The following PARPBP variants were observed in gnomAD, a reference collection of about 807,000 sequenced individuals.
The protein encoded by PARPBP is PCNA-interacting partner.
In PARPBP, 52 loss-of-function variants were observed where a neutral mutation model predicts 50.0. The observed-to-expected ratio is 1.04, with a 90% CI of 0.83 to 1.31. The LOEUF (loss-of-function observed/expected upper bound fraction) is 1.31. Among genes scored for constraint, PARPBP ranks in the 50% most tolerant of loss-of-function variants. The probability of loss-of-function intolerance (pLI) is 0.00; values close to 1 mark genes in which losing one functional copy is unlikely to be tolerated. For missense variants in PARPBP, 697 were observed against 672.0 expected, an observed-to-expected ratio of 1.04 and a Z score of -0.41; for synonymous variants, 244 against 232.1, an observed-to-expected ratio of 1.05 and a Z score of -0.47.
intron 2 of PARPBP, among the ~76,000 whole-genome samples, chr12:102,129,977 A>G (rs1459412327): frequency 1.3e-5 from 2 of 152,214 alleles, no homozygotes; most frequent in African/African-American, 4.8e-5. Context: ...GTATCATGCT[A>G]CCTGACTTCA....
intron 4 of PARPBP, among the ~76,000 whole-genome samples, chr12:102,160,249 G>A (rs965292280): frequency 6.6e-6 from 1 of 152,190 alleles, no homozygotes; most frequent in Non-Finnish European, 1.5e-5. Context: ...ACTCCAAGAT[G>A]TTTTTCCCTG....
At position 102,150,219 on chromosome 12, in the gene PARPBP, G is replaced by A. The variant is rs369254658; in HGVS notation, c.387+1756G>A. On this transcript the variant is annotated intron_variant, in intron 3 of 10. Coordinates refer to ENST00000327680, the MANE Select transcript of PARPBP (RefSeq NM_017915.5). ...GTAGAAAATGTTCTGCATTTTAACC[G>A]TGGAAGATCAACAACTTAATCTCTG... 25 of 454,904 alleles carry A rather than the reference G, an allele frequency of 5.5e-5. 1 individual carries two copies. Among genetic ancestry groups the A allele is most frequent in the African/African-American group, 1.0e-4 (5 of 50,116 alleles). 28.2% of individuals were successfully genotyped at this position (454,904 alleles called of 1,614,324 possible).
At position 102,164,583 on chromosome 12, in the gene PARPBP, G is replaced by A. The variant is rs757038290; in HGVS notation, c.641G>A (p.Arg214Gln). The A allele has an allele frequency of 5.0e-6, 8 of 1,613,472 alleles. No individual in the cohort carries two copies. The highest frequency in any genetic ancestry group is 3.3e-5 in the South Asian group (3 of 91,072). The change falls in exon 5 of 11, where the codon CGA (arginine) becomes CAA (glutamine). Residue 214 changes from arginine to glutamine, a missense_variant. Arg to Gln is a conservative substitution (Grantham distance 43). Transcript: ENST00000327680. ...TTCACTGATTTGAAACATGCTGCTC[G>A]AGAGAAACAAATGTCTATCTTTTTG... ...EAFTDLKHAA[R>Q]EKQMSIFLVA...
At chr12:102,167,159 GTCTCTGCCTGTT>G (rs777962160) in intron 6 of PARPBP, among the ~76,000 whole-genome samples, 9 of 152,082 alleles carry the variant, frequency 5.9e-5, no homozygotes, top group Non-Finnish European at 1.2e-4. Flanking sequence ...TCGTGAAACA[GTCTCTGCCTGTT>G]TCCTGGCTCT....
chr12:102,124,657 G>A (rs1267529525), intron 2 of PARPBP, among the ~76,000 whole-genome samples: 1 of 152,208 alleles, frequency 6.6e-6, no homozygotes, highest in Non-Finnish European at 1.5e-5. Context: ...AGTCAGTTCA[G>A]AAGAAGGGTT....
intron 3 of PARPBP, chr12:102,148,816 A>G (rs1350080666): frequency 5.5e-6 from 1 of 181,216 alleles, no homozygotes; most frequent in African/African-American, 2.3e-5. Flanking sequence ...TTCATTTGGC[A>G]TATGTTGGAT....
intron 3 of PARPBP, chr12:102,151,536 C>A: frequency 1.3e-6 from 2 of 1,484,204 alleles, no homozygotes; most frequent in Non-Finnish European, 1.8e-6. Flanking sequence ...CTGATGCCTG[C>A]ACACTTTTTA....
At chr12:102,191,910 G>T (rs1890825451) in intron 9 of PARPBP, among the ~76,000 whole-genome samples, 1 of 152,082 alleles carries the variant, frequency 6.6e-6, no homozygotes, top group African/African-American at 2.4e-5. Flanking sequence ...TTTTAAGAGG[G>T]AATTGTTTTG....
At position 102,196,388 on chromosome 12, in the gene PARPBP, T is replaced by A. The variant is rs1376604224; in HGVS notation, c.*97T>A. Reference sequence around the variant, plus strand: ...GATCAAGGTGTAAATTATGATGATTTATTATTTTGGTCTACAGTGTATGTA... The same window carrying A: ...GATCAAGGTGTAAATTATGATGATTAATTATTTTGGTCTACAGTGTATGTA... On this transcript the variant is annotated 3_prime_UTR_variant, in exon 11 of 11. Transcript: ENST00000327680. The A allele has an allele frequency of 1.1e-6, 1 of 881,384 alleles. No homozygotes were observed. Among genetic ancestry groups the A allele is most frequent in the African/African-American group, 1.7e-5 (1 of 58,810 alleles). The allele number at this position is 881,384 out of a possible 1,614,324, so 54.6% of individuals were successfully genotyped here.
At chr12:102,155,219 G>C in intron 4 of PARPBP, 1 of 157,336 alleles carries the variant, frequency 6.4e-6, no homozygotes, top group Non-Finnish European at 1.4e-5. Context: ...GGAGGTGGAG[G>C]TTACAGTGAG....
At chr12:102,165,917 T>C (rs758596313) in intron 6 of PARPBP, 34 bp downstream of exon 6, 7 of 1,339,302 alleles carry the variant, frequency 5.2e-6, no homozygotes, top group Non-Finnish European at 7.4e-6. Context: ...AATATGTTTT[T>C]AATCTATCTT....
rs2036772 is a variant in PARPBP, at chr12:102,123,975, T to C, written c.87T>C (p.Thr29=). The C allele has an allele frequency of 0.19, 293,420 of 1,532,732 alleles. 29,924 individuals are homozygous for C. Among genetic ancestry groups the C allele is most frequent in the South Asian group, 0.26 (22,114 of 83,974 alleles). The allele number at this position is 1,532,732 out of a possible 1,614,324, so 94.9% of individuals were successfully genotyped here. Residue 29 remains threonine, a synonymous_variant, in exon 2 of 11, where the codon ACT becomes ACC. Coordinates refer to ENST00000327680, the MANE Select transcript of PARPBP (RefSeq NM_017915.5). ...GTGCTCTTTGTAACTCTGAGAGAAC[T>C]ACTCTATGTGGTGCAGACTCCATGC... ...NWRALCNSER[T]TLCGADSMLL...
At chr12:102,125,961 A>G (rs550479711) in intron 2 of PARPBP, among the ~76,000 whole-genome samples, 1 of 152,138 alleles carries the variant, frequency 6.6e-6, no homozygotes, top group Non-Finnish European at 1.5e-5. Context: ...ATTCTCCCCT[A>G]CCTCAACAGA....
chr12:102,149,251 T>C (rs1885868643), intron 3 of PARPBP, among the ~76,000 whole-genome samples: 1 of 152,240 alleles, frequency 6.6e-6, no homozygotes, highest in Non-Finnish European at 1.5e-5. Flanking sequence ...AACAGTGTTT[T>C]AGCCGATTAT....
intron 4 of PARPBP, 124 bp from the exon 5 acceptor site, chr12:102,164,314 T>A (rs913246911): frequency 2.2e-5 from 15 of 695,876 alleles, no homozygotes; most frequent in Non-Finnish European, 3.5e-5. Context: ...GCAGTTTTAT[T>A]TTTCTAAAGA....
chr12:102,171,772 G>A (rs1888768931), intron 6 of PARPBP, among the ~76,000 whole-genome samples: 1 of 151,942 alleles, frequency 6.6e-6, no homozygotes, highest in Non-Finnish European at 1.5e-5. Context: ...GGGAGGCTGA[G>A]GCAGGAGAAT....
intron 7 of PARPBP, among the ~76,000 whole-genome samples, chr12:102,177,506 ATATTT>A (rs1405092524): frequency 2.6e-5 from 4 of 151,974 alleles, no homozygotes; most frequent in African/African-American, 4.8e-5. Context: ...TTATTATTAT[ATATTT>A]TATTTTATTC....
chr12:102,135,074 C>T (rs1883416241), intron 2 of PARPBP, among the ~76,000 whole-genome samples: 1 of 152,088 alleles, frequency 6.6e-6, no homozygotes, highest in Admixed American at 6.5e-5. Context: ...TACCTCCACC[C>T]TTTTAGGGTT....
At chr12:102,171,884 T>A (rs931763463) in intron 6 of PARPBP, among the ~76,000 whole-genome samples, 5 of 151,532 alleles carry the variant, frequency 3.3e-5, no homozygotes, top group Admixed American at 2.6e-4. Context: ...AAAAAAAAAA[T>A]TCAGAAATAT....
Sources: allele counts gnomAD v4.1 joint callset (sites outside exome capture counted in the v4.1 genomes callset), GRCh38; gene constraint gnomAD v4.1.1; transcripts MANE v1.5; gene names NCBI Gene and HGNC (gene_info 2026-07-23, HGNC 2026-07-21).